SUGT1: variants seen among roughly 807,000 people sequenced by gnomAD.
SUGT1 encodes SGT1 assembly cochaperone of MIS12 kinetochore complex, also known as protein SGT1 homolog.
A neutral mutation model predicts 56.1 loss-of-function variants in SUGT1; 15 were observed. That is an observed-to-expected ratio of 0.27 (90% CI 0.18 to 0.41). The LOEUF is 0.41. Among genes scored for constraint, SUGT1 ranks in the 10% least tolerant of loss-of-function variants. The pLI, the probability that SUGT1 is intolerant of heterozygous loss-of-function variation, is 1.00. For missense variants in SUGT1, 347 were observed against 382.2 expected (o/e 0.91, Z 0.77); for synonymous variants, 123 against 128.6 (o/e 0.96, Z 0.30).
chr13:52,686,869 C>T (rs1443401625), intron 12 of SUGT1, among the ~76,000 whole-genome samples: 2 of 151,684 alleles, frequency 1.3e-5, no homozygotes, highest in Non-Finnish European at 2.9e-5. Context: ...GTCGGGAGTT[C>T]GAGACCAGCC....
intron 10 of SUGT1, among the ~76,000 whole-genome samples, chr13:52,674,240 C>G (rs1008410187): frequency 6.6e-6 from 1 of 151,722 alleles, no homozygotes; most frequent in African/African-American, 2.4e-5. Context: ...TTAGTAGAGA[C>G]AGGGTTTTGC....
intron 11 of SUGT1, among the ~76,000 whole-genome samples, chr13:52,677,456 T>C (rs1358251090): frequency 2.6e-5 from 4 of 152,200 alleles, no homozygotes; most frequent in Non-Finnish European, 1.5e-5. Context: ...TTGAAAGATG[T>C]ATGTGTTTCT....
chr13:52,678,679 TG>T (rs1162553899), intron 11 of SUGT1, among the ~76,000 whole-genome samples: 21 of 46,492 alleles, frequency 4.5e-4, no homozygotes, highest in Middle Eastern at 0.016. Flanking sequence ...TTTTTTTTGT[TG>T]GTTTTTTTTT....
intron 5 of SUGT1, 70 bp downstream of exon 5, chr13:52,659,319 TA>T: frequency 1.0e-6 from 1 of 970,802 alleles, no homozygotes; most frequent in Non-Finnish European, 1.5e-6. Context: ...TGAATTTTGG[TA>T]ATGTTAATTT....
chr13:52,672,465 A>G (rs1962983568), intron 10 of SUGT1, among the ~76,000 whole-genome samples: 2 of 152,178 alleles, frequency 1.3e-5, no homozygotes, highest in Admixed American at 1.3e-4. Context: ...TTTGCATTTA[A>G]AAAATGATTA....
At chr13:52,672,850 C>G (rs1439598752) in intron 10 of SUGT1, among the ~76,000 whole-genome samples, 1 of 152,136 alleles carries the variant, frequency 6.6e-6, no homozygotes, top group Non-Finnish European at 1.5e-5. Context: ...GAATTAAACT[C>G]TCTGCTATGC....
intron 2 of SUGT1, among the ~76,000 whole-genome samples, chr13:52,654,426 C>T (rs1296707675): frequency 6.6e-6 from 1 of 152,168 alleles, no homozygotes; most frequent in African/African-American, 2.4e-5. Context: ...TTTATTGTCA[C>T]TTTCCATCTT....
chr13:52,667,406 G>A (rs1228989527), intron 10 of SUGT1, among the ~76,000 whole-genome samples: 2 of 152,154 alleles, frequency 1.3e-5, no homozygotes, highest in East Asian at 1.9e-4. Flanking sequence ...GTGCAGTGGC[G>A]TGATCTCGGC....
intron 8 of SUGT1, among the ~76,000 whole-genome samples, chr13:52,665,228 T>C (rs1047300397): frequency 6.6e-6 from 1 of 152,220 alleles, no homozygotes; most frequent in Non-Finnish European, 1.5e-5. Context: ...TTAAGTTTTA[T>C]CATCTGTAAA....
chr13:52,688,852 C>T lies in SUGT1; in HGVS notation c.*1017C>T, dbSNP rs1048486210. On this transcript the variant is annotated 3_prime_UTR_variant, in exon 13 of 13. Coordinates refer to ENST00000310528, the MANE Select transcript of SUGT1 (RefSeq NM_006704.5). ...CTGTGGAAAGATTGAATGCTGAACT[C>T]GGTATAAATACACTTTAGAGACAGG... 2 of 152,100 alleles carry T rather than the reference C, an allele frequency of 1.3e-5. No homozygotes were observed. The highest frequency in any genetic ancestry group is 2.9e-5 in the Non-Finnish European group (2 of 68,026). The allele number at this position is 152,100 out of a possible 1,614,324, so 9.4% of individuals were successfully genotyped here. A position where few individuals can be genotyped will look rare whatever the true frequency, so the allele number is the denominator to read the frequency against.
chr13:52,674,420 A>G (rs1002125832), intron 10 of SUGT1, among the ~76,000 whole-genome samples: 7 of 152,194 alleles, frequency 4.6e-5, no homozygotes, highest in African/African-American at 1.2e-4. Flanking sequence ...CCAAAAGAAA[A>G]TAAAAATAAA....
At chr13:52,660,294 T>G (rs539458204) in intron 5 of SUGT1, among the ~76,000 whole-genome samples, 6 of 152,178 alleles carry the variant, frequency 3.9e-5, no homozygotes, top group Non-Finnish European at 5.9e-5. Context: ...ACGGTTTTGC[T>G]TCCCAGGAAA....
At chr13:52,663,051 A>G in intron 6 of SUGT1, 45 bp from the exon 7 acceptor site, 5 of 1,597,390 alleles carry the variant, frequency 3.1e-6, no homozygotes, top group Non-Finnish European at 4.3e-6. Flanking sequence ...CTTTGCTTAA[A>G]AATGCACTGT....
At chr13:52,683,685 A>G (rs1034978624) in intron 12 of SUGT1, among the ~76,000 whole-genome samples, 4 of 152,194 alleles carry the variant, frequency 2.6e-5, no homozygotes, top group African/African-American at 9.7e-5. Flanking sequence ...AGTATTTGGT[A>G]GAACTCACCA....
At chr13:52,687,285 A>G (rs1010609119) in intron 12 of SUGT1, 3 of 152,160 alleles carry the variant, frequency 2.0e-5, no homozygotes, top group African/African-American at 4.8e-5. Flanking sequence ...AGAGAGCACA[A>G]AGTAGAGGCC....
chr13:52,665,430 G>A (rs1237390509), intron 8 of SUGT1, among the ~76,000 whole-genome samples: 4 of 152,202 alleles, frequency 2.6e-5, no homozygotes, highest in African/African-American at 9.6e-5. Context: ...CTGGAAAGGT[G>A]TGAGCATCAT....
chr13:52,657,860 A>G (rs1962242408), intron 3 of SUGT1, among the ~76,000 whole-genome samples: 1 of 152,226 alleles, frequency 6.6e-6, no homozygotes, highest in African/African-American at 2.4e-5. Flanking sequence ...GTATGCTGAT[A>G]AAAAATAGCA....
chr13:52,698,145 C>CA lies in SUGT1; in HGVS notation c.*10312dup, dbSNP rs568491971. ...TATTTTAGAGTTGTTAAAATCAGAT[C>CA]AACAGAGCATGTTTTTATGGGCCAT... On this transcript the variant is annotated 3_prime_UTR_variant, in exon 13 of 13. Coordinates refer to ENST00000310528, the MANE Select transcript of SUGT1 (RefSeq NM_006704.5). The CA allele has an allele frequency of 3.0e-4, 46 of 152,252 alleles. No individual in the cohort carries two copies. The highest frequency in any genetic ancestry group is 1.1e-3 in the African/African-American group (44 of 41,538). The allele number at this position is 152,252 out of a possible 1,614,324, so 9.4% of individuals were successfully genotyped here.
At chr13:52,685,905 T>C (rs1349874434) in intron 12 of SUGT1, among the ~76,000 whole-genome samples, 1 of 152,162 alleles carries the variant, frequency 6.6e-6, no homozygotes, top group African/African-American at 2.4e-5. Context: ...AATCCACAAC[T>C]GAAGGTCCTC....
Sources: gnomAD v4.1 joint callset for allele counts (sites outside exome capture counted in the v4.1 genomes callset) on GRCh38, gnomAD v4.1.1 for gene constraint, MANE v1.5 for transcripts, NCBI Gene and HGNC (gene_info 2026-07-23, HGNC 2026-07-21) for gene names.